MYO9A: variants seen among roughly 807,000 people sequenced by gnomAD.
The protein encoded by MYO9A is unconventional myosin-IXa.
Under a neutral mutation model 293.3 loss-of-function variants are expected in MYO9A, and 103 were observed. The observed-to-expected ratio is 0.35, with a 90% CI of 0.30 to 0.41. The LOEUF is 0.41. Among genes scored for constraint, MYO9A ranks in the 10% least tolerant of loss-of-function variants. The probability of loss-of-function intolerance (pLI) is 1.00; values close to 1 mark genes in which losing one functional copy is unlikely to be tolerated. For missense variants in MYO9A, 2,685 were observed against 3,033.0 expected (o/e 0.89, Z 2.69); for synonymous variants, 1,001 against 1,035.7 (o/e 0.97, Z 0.64).
Position 71,827,951 on chromosome 15 carries a change from G to A in MYO9A, c.7116C>T (p.Ser2372=), listed in dbSNP as rs2054576484. 2.5e-6 allele frequency: 4 copies of A among 1,613,852 alleles called. No individual in the cohort carries two copies. In the South Asian group the frequency reaches 3.3e-5, roughly 13 times the overall value. ...SDDETLESEA[S]IGTADSSENL... is the part of the protein sequence containing the mutation. ...TCTCTGAGCTATCAGCAGTCCCAAT[G>A]GAGGCCTCAGACTCAAGGGTTTCAT... The change falls in exon 41 of 42, where the codon TCC becomes TCT. Residue 2372 remains serine (S), a synonymous_variant. Coordinates refer to ENST00000356056, the MANE Select transcript of MYO9A (RefSeq NM_006901.4).
intron 1 of MYO9A, among the ~76,000 whole-genome samples, chr15:72,088,342 G>A (rs921269518): frequency 1.3e-5 from 2 of 152,116 alleles, no homozygotes; most frequent in Non-Finnish European, 2.9e-5. Flanking sequence ...AAAGTGCAAT[G>A]CCCTCTGGGC....
rs117796026 is a variant in MYO9A, at chr15:71,958,218, T to C, written c.2182+1683A>G. Among the ~76,000 whole-genome samples the C allele has an allele frequency of 3.0e-3, 463 of 152,310 alleles. 3 individuals carry two copies. Among genetic ancestry groups the C allele is most frequent in the Middle Eastern group, 0.014 (4 of 294 alleles). The stretch of plus-strand genomic sequence containing the variant: ...CTACTTCGTCTTAATCTGTAATTCC[T>C]ATTTCATCTTAATATGACTGCATAA... On this transcript the variant is annotated intron_variant, in intron 14 of 41. Coordinates refer to ENST00000356056, the MANE Select transcript of MYO9A (RefSeq NM_006901.4).
At chr15:71,905,277 C>CT (rs1019798307) in intron 19 of MYO9A, among the ~76,000 whole-genome samples, 13 of 152,030 alleles carry the variant, frequency 8.6e-5, no homozygotes. Context: ...ATTTTTTTCA[C>CT]TTTTCTTCAC....
chr15:72,082,653 G>A (rs1401573992), intron 1 of MYO9A, among the ~76,000 whole-genome samples: 3 of 151,958 alleles, frequency 2.0e-5, no homozygotes, highest in Non-Finnish European at 2.9e-5. Flanking sequence ...TTTGGCCCAT[G>A]CAGTATGATG....
At chr15:71,973,192 A>T (rs372429332) in intron 12 of MYO9A, among the ~76,000 whole-genome samples, 214 of 152,278 alleles carry the variant, frequency 1.4e-3, no homozygotes, top group African/African-American at 4.5e-3. Context: ...GTTACCAAGA[A>T]GGTAGTCAAT....
chr15:71,932,204 G>A lies in MYO9A; in HGVS notation c.2562+1466C>T, dbSNP rs187738010. On this transcript the variant is annotated intron_variant, in intron 18 of 41. Coordinates refer to ENST00000356056, the MANE Select transcript of MYO9A (RefSeq NM_006901.4). Reference sequence around the variant, plus strand: ...GACAGTAGGATTCTCTCTGCACTACGCTGAAGAGAGGAATTCTAGCAAACG... The same window carrying A: ...GACAGTAGGATTCTCTCTGCACTACACTGAAGAGAGGAATTCTAGCAAACG... Among the ~76,000 whole-genome samples, 27 of 152,222 alleles carry A rather than the reference G, an allele frequency of 1.8e-4. No individual in the cohort carries two copies. In the East Asian group the frequency reaches 4.1e-3, roughly 23 times the overall value.
At chr15:71,947,613 T>A (rs929391823) in intron 15 of MYO9A, among the ~76,000 whole-genome samples, 3 of 152,192 alleles carry the variant, frequency 2.0e-5, no homozygotes, top group Non-Finnish European at 4.4e-5. Context: ...TGATTTGCAT[T>A]TAATTCCATT....
intron 19 of MYO9A, among the ~76,000 whole-genome samples, chr15:71,912,125 A>G (rs1277795486): frequency 6.6e-6 from 1 of 152,150 alleles, no homozygotes; most frequent in Admixed American, 6.5e-5. Flanking sequence ...ATAGTGTAAA[A>G]GCTTAACAAC....
At chr15:71,974,428 G>C (rs2076086796) in intron 12 of MYO9A, among the ~76,000 whole-genome samples, 1 of 152,182 alleles carries the variant, frequency 6.6e-6, no homozygotes, top group Non-Finnish European at 1.5e-5. Flanking sequence ...AGAGGCGGTT[G>C]GGGAAGGTGC....
At chr15:72,077,733 GAAAAA>G (rs60518266) in intron 1 of MYO9A, among the ~76,000 whole-genome samples, 84 of 87,376 alleles carry the variant, frequency 9.6e-4, no homozygotes, top group Middle Eastern at 7.1e-3. Flanking sequence ...CTGTCTCAAA[GAAAAA>G]AAAAAAAAAA....
intron 27 of MYO9A, 104 bp from the exon 28 acceptor site, chr15:71,883,840 AT>A (rs1379160689): frequency 9.9e-7 from 1 of 1,010,632 alleles, no homozygotes; most frequent in African/African-American, 1.7e-5. Flanking sequence ...ATATTAGCTC[AT>A]TTAAGCTTCA....
At chr15:71,939,601 C>A (rs936413829) in intron 15 of MYO9A, among the ~76,000 whole-genome samples, 1 of 152,116 alleles carries the variant, frequency 6.6e-6, no homozygotes, top group African/African-American at 2.4e-5. Flanking sequence ...CCATACATTT[C>A]TGACATGTTC....
At position 71,854,480 on chromosome 15, in the gene MYO9A, C is replaced by T. The variant is rs2055784484; in HGVS notation, c.6243G>A (p.Lys2081=). 6.2e-7 allele frequency: 1 copy of T among 1,613,738 alleles called. No homozygotes were observed. The highest frequency in any genetic ancestry group is 8.5e-7 in the Non-Finnish European group (1 of 1,179,800). The change falls in exon 35 of 42, where the codon AAG becomes AAA. Residue 2081 remains lysine, a synonymous_variant. Coordinates refer to ENST00000356056, the MANE Select transcript of MYO9A (RefSeq NM_006901.4). ...CATGCATTTCAATGTAGTTTATGAG[C>T]TTTTCCACTACTAAAGGAACAGTTC... ...EDRTVPLVVE[K]LINYIEMHGL... is the part of the protein sequence containing the mutation.
chr15:72,078,996 G>C (rs1413381960), intron 1 of MYO9A, among the ~76,000 whole-genome samples: 1 of 152,174 alleles, frequency 6.6e-6, no homozygotes, highest in African/African-American at 2.4e-5. Context: ...AAAAGCATGA[G>C]ATTTTTAAGG....
At position 72,045,751 on chromosome 15, in the gene MYO9A, A is replaced by C; in HGVS notation, c.813T>G (p.Ile271Met). The change falls in exon 2 of 42, where the codon ATT (isoleucine) becomes ATG (methionine). Residue 271 changes from isoleucine (I) to methionine (M), a missense_variant. This residue lies in a region of MYO9A where 289 missense variants were observed against 456.8 expected (regional missense o/e 0.63). Transcript: ENST00000356056. The stretch of plus-strand genomic sequence containing the variant: ...CAAGTACTGGTCCAGCTCCAAGAAT[A>C]ATCTGTTCTACTCCACTGGCAAATC... ...QKGFASGVEQ[I>M]ILGAGPVLEA... The C allele has an allele frequency of 1.2e-6, 2 of 1,608,462 alleles. No homozygotes were observed. Among genetic ancestry groups the C allele is most frequent in the Middle Eastern group, 1.7e-4 (1 of 6,018 alleles).
intron 18 of MYO9A, among the ~76,000 whole-genome samples, chr15:71,921,101 T>TA (rs951446157): frequency 6.6e-6 from 1 of 151,754 alleles, no homozygotes; most frequent in Admixed American, 6.6e-5. Context: ...ACAATGTAAC[T>TA]AAAAAAAATA....
At chr15:71,945,726 CT>C (rs58712810) in intron 15 of MYO9A, among the ~76,000 whole-genome samples, 99,373 of 151,368 alleles carry the variant, frequency 0.66, 33,456 homozygotes, top group Middle Eastern at 0.75. Flanking sequence ...TGTACAATTT[CT>C]TTTTGTTGCC....
rs189550379 is a variant in MYO9A, at chr15:71,986,551, C to T, written c.1722+4552G>A. Among the ~76,000 whole-genome samples the T allele has an allele frequency of 4.1e-4, 62 of 152,236 alleles. No homozygotes were observed. In the East Asian group the frequency reaches 9.4e-3, roughly 23 times the overall value. ...ACGAAAAATTCATATTATCTACTGACGTCTTGATCCTGACCCTGTGTAGGC... is the reference window on the plus strand; with the variant it reads ...ACGAAAAATTCATATTATCTACTGATGTCTTGATCCTGACCCTGTGTAGGC... On this transcript the variant is annotated intron_variant, in intron 11 of 41. Coordinates refer to ENST00000356056, the MANE Select transcript of MYO9A (RefSeq NM_006901.4).
chr15:71,827,996 C>T lies in MYO9A; in HGVS notation c.7071G>A (p.Leu2357=), dbSNP rs1352005203. The T allele has an allele frequency of 1.9e-6, 3 of 1,613,666 alleles. No homozygotes were observed. Among genetic ancestry groups the T allele is most frequent in the African/African-American group, 2.7e-5 (2 of 74,978 alleles). The change falls in exon 41 of 42, where the codon CTG becomes CTA. Residue 2357 remains leucine, a synonymous_variant. Transcript: ENST00000356056. ...TTTCATCATCAGAGGCACGGGGTTC[C>T]AGTACAAGCATCTCAAATGTTAGCT... ...KEELTFEMLV[L]EPRASDDETL...
Sources: allele counts gnomAD v4.1 joint callset (sites outside exome capture counted in the v4.1 genomes callset), GRCh38; gene constraint gnomAD v4.1.1; regional missense constraint gnomAD v4.1.1; transcripts MANE v1.5; gene names NCBI Gene and HGNC (gene_info 2026-07-23, HGNC 2026-07-21).